RPAP3: variants seen among roughly 807,000 people sequenced by gnomAD.
RPAP3 encodes the protein RNA polymerase II associated protein 3.
A neutral mutation model predicts 88.8 loss-of-function variants in RPAP3; 58 were observed. The ratio of observed to expected loss-of-function variants is 0.65; its 90% CI spans 0.53 to 0.81. The LOEUF (loss-of-function observed/expected upper bound fraction) is 0.81, where lower values mean the gene tolerates loss of function less well. Among genes scored for constraint, RPAP3 ranks in the 40% least tolerant of loss-of-function variants. RPAP3 has a pLI of 0.00. For synonymous variants in RPAP3, 255 were observed against 259.9 expected (o/e 0.98, Z 0.18); for missense variants, 751 against 764.3 (o/e 0.98, Z 0.20).
rs1278169540 is a variant in RPAP3 at position 47,662,916 on chromosome 12, G to GA, written c.*588dup. ...GGTATGTAACATGGATATCTTAAGGGAAAAAACCCTATGGCATTAAAATGT... is the reference window on the plus strand; with the variant it reads ...GGTATGTAACATGGATATCTTAAGGGAAAAAAACCCTATGGCATTAAAATGT... On this transcript the variant is annotated 3_prime_UTR_variant, in exon 17 of 17. Transcript: ENST00000005386. 1 of 152,064 alleles carries GA rather than the reference G, an allele frequency of 6.6e-6. No individual in the cohort carries two copies. The highest frequency in any genetic ancestry group is 2.1e-4 in the South Asian group (1 of 4,826). 9.4% of individuals were successfully genotyped at this position (152,064 alleles called of 1,614,324 possible).
intron 4 of RPAP3, 145 bp from the exon 5 acceptor site, chr12:47,696,548 T>C: frequency 1.9e-6 from 1 of 537,082 alleles, no homozygotes; most frequent in Non-Finnish European, 3.1e-6. Context: ...TGTGCCTGCC[T>C]CCCCTTCCAC....
rs753201265 is a variant in RPAP3 at position 47,667,715 on chromosome 12, G to A, written c.1811+39C>T. On this transcript the variant is annotated intron_variant, in intron 15 of 16. Transcript: ENST00000005386. ...TCCAAAAACCTATCAATAACATTAA[G>A]TGAGGACTTACTGTATAACTAAAAA... The A allele has an allele frequency of 1.4e-5, 16 of 1,125,490 alleles. No individual in the cohort carries two copies. In the African/African-American group the frequency reaches 2.4e-4, roughly 17 times the overall value. 69.7% of individuals were successfully genotyped at this position (1,125,490 alleles called of 1,614,324 possible). A position where few individuals can be genotyped will look rare whatever the true frequency, so the allele number is the denominator to read the frequency against.
chr12:47,679,396 T>A, intron 12 of RPAP3, 97 bp downstream of exon 12: 1 of 726,270 alleles, frequency 1.4e-6, no homozygotes. Context: ...TAAAGTATAA[T>A]TAAAAAAAAA....
Position 47,669,006 on chromosome 12 carries a change from A to G in RPAP3, c.1623T>C (p.Val541=). 6.2e-7 allele frequency: 1 copy of G among 1,613,978 alleles called. No individual in the cohort carries two copies. The highest frequency in any genetic ancestry group is 8.5e-7 in the Non-Finnish European group (1 of 1,179,852). Residue 541 remains valine, a synonymous_variant, in exon 14 of 17, where the codon GTT becomes GTC. Coordinates refer to ENST00000005386, the MANE Select transcript of RPAP3 (RefSeq NM_024604.3). ...EQKPAQFATT[V]LPPIPANSFQ... ...ACGAGTTTGCAGGAATTGGAGGAAG[A>G]ACAGTTGTGGCAAACTGAGCAGGTT...
chr12:47,699,991 CTTTTTTTTT>C (rs34436877), intron 3 of RPAP3: 4 of 119,368 alleles, frequency 3.4e-5, no homozygotes, highest in African/African-American at 9.7e-5. Flanking sequence ...TGGAAATGTT[CTTTTTTTTT>C]TTTTTTTTTT....
intron 7 of RPAP3, among the ~76,000 whole-genome samples, chr12:47,688,832 G>A (rs1939374372): frequency 6.6e-6 from 1 of 152,118 alleles, no homozygotes; most frequent in African/African-American, 2.4e-5. Flanking sequence ...CAGTGCATAA[G>A]CCAAAAAGGA....
At chr12:47,693,439 C>T (rs1939465850) in intron 5 of RPAP3, among the ~76,000 whole-genome samples, 1 of 152,174 alleles carries the variant, frequency 6.6e-6, no homozygotes, top group South Asian at 2.1e-4. Context: ...CAAAACGTGA[C>T]ATAGAGACAC....
chr12:47,694,515 T>C (rs1267008932), intron 5 of RPAP3, among the ~76,000 whole-genome samples: 5 of 152,148 alleles, frequency 3.3e-5, no homozygotes, highest in South Asian at 2.1e-4. Flanking sequence ...AGTTGAAATA[T>C]ATTAAAATTG....
chr12:47,698,485 T>C (rs766361956), intron 3 of RPAP3, among the ~76,000 whole-genome samples: 4 of 152,348 alleles, frequency 2.6e-5, no homozygotes, highest in African/African-American at 9.6e-5. Context: ...ATTTTTTATA[T>C]GATAAAACAA....
At chr12:47,673,150 C>A (rs1243802773) in intron 12 of RPAP3, among the ~76,000 whole-genome samples, 1 of 151,916 alleles carries the variant, frequency 6.6e-6, no homozygotes, top group African/African-American at 2.4e-5. Flanking sequence ...ACCAAGAATA[C>A]GGTCGTAATA....
chr12:47,702,050 G>C (rs1267885703), intron 2 of RPAP3, among the ~76,000 whole-genome samples: 1 of 151,870 alleles, frequency 6.6e-6, no homozygotes, highest in African/African-American at 2.4e-5. Context: ...ATGCCAATAT[G>C]GTATGTTAAT....
chr12:47,691,927 A>T (rs1939437892), intron 5 of RPAP3, among the ~76,000 whole-genome samples: 1 of 151,954 alleles, frequency 6.6e-6, no homozygotes, highest in Non-Finnish European at 1.5e-5. Flanking sequence ...TTGTATTTTT[A>T]GTAGAGACAG....
chr12:47,685,285 A>T (rs1309085570), intron 9 of RPAP3, among the ~76,000 whole-genome samples: 3 of 151,918 alleles, frequency 2.0e-5, no homozygotes, highest in Non-Finnish European at 4.4e-5. Flanking sequence ...AGGTTGAGGC[A>T]GGAGAATTGC....
At chr12:47,697,850 G>A in intron 3 of RPAP3, 131 bp from the exon 4 acceptor site, 11 of 794,110 alleles carry the variant, frequency 1.4e-5, no homozygotes, top group Non-Finnish European at 1.9e-5. Context: ...GCCTTACAAA[G>A]CAACCCAAAT....
intron 9 of RPAP3, 130 bp from the exon 10 acceptor site, chr12:47,681,947 T>C: frequency 1.2e-6 from 1 of 840,788 alleles, no homozygotes; most frequent in African/African-American, 1.8e-5. Context: ...GTGTTTGAAG[T>C]GGAGAACTAT....
chr12:47,665,994 A>G (rs1336134422), intron 16 of RPAP3, among the ~76,000 whole-genome samples: 2 of 152,220 alleles, frequency 1.3e-5, no homozygotes, highest in African/African-American at 4.8e-5. Flanking sequence ...TATCTTTCTT[A>G]TTGATTTAAA....
intron 10 of RPAP3, among the ~76,000 whole-genome samples, chr12:47,680,756 A>T (rs1325431055): frequency 6.6e-6 from 1 of 152,018 alleles, no homozygotes; most frequent in Non-Finnish European, 1.5e-5. Context: ...AAAGAAAAAA[A>T]ATAGTATCAA....
chr12:47,686,973 T>C, intron 8 of RPAP3, 66 bp from the exon 9 acceptor site: 1 of 1,024,146 alleles, frequency 9.8e-7, no homozygotes, highest in Non-Finnish European at 1.4e-6. Flanking sequence ...TGAATTCAAA[T>C]CTTATGAAAC....
At chr12:47,667,917 A>C in intron 14 of RPAP3, 66 bp from the exon 15 acceptor site, 2 of 1,027,162 alleles carry the variant, frequency 1.9e-6, no homozygotes, top group Non-Finnish European at 2.9e-6. Context: ...TTACACAACA[A>C]TTGCTTGGGT....
Sources: gnomAD v4.1 joint callset for allele counts (sites outside exome capture counted in the v4.1 genomes callset) on GRCh38, gnomAD v4.1.1 for gene constraint, MANE v1.5 for transcripts, NCBI Gene and HGNC (gene_info 2026-07-23, HGNC 2026-07-21) for gene names.